TRIM64C: variants seen among roughly 807,000 people sequenced by gnomAD.
TRIM64C encodes tripartite motif containing 64C, also known as tripartite motif-containing protein 64C.
A neutral mutation model predicts 36.1 loss-of-function variants in TRIM64C; 25 were observed. That is an observed-to-expected ratio of 0.69 (90% CI 0.51 to 0.97). TRIM64C has a LOEUF of 0.97. Ranked by LOEUF, TRIM64C falls within the 50% of genes least tolerant of loss-of-function variation. The pLI is 0.00. For synonymous variants in TRIM64C, 212 were observed against 185.7 expected, an observed-to-expected ratio of 1.14 and a Z score of -1.15; for missense variants, 489 against 536.8, an observed-to-expected ratio of 0.91 and a Z score of 0.88.
intron 4 of TRIM64C, 57 bp from the exon 5 acceptor site, chr11:49,055,464 C>T: frequency 6.6e-7 from 1 of 1,520,642 alleles, no homozygotes; most frequent in Non-Finnish European, 8.8e-7. Flanking sequence ...ATCACACAGT[C>T]ATATGAAGAT....
chr11:49,054,569 T>C (rs1288755318), intron 5 of TRIM64C, among the ~76,000 whole-genome samples: 2 of 152,242 alleles, frequency 1.3e-5, no homozygotes, highest in Non-Finnish European at 1.5e-5. Context: ...CAATTTGCTG[T>C]GATGTGAGTA....
intron 1 of TRIM64C, 66 bp from the exon 2 acceptor site, chr11:49,058,238 A>T (rs1854837098): frequency 9.0e-7 from 1 of 1,115,232 alleles, no homozygotes; most frequent in Non-Finnish European, 1.3e-6. Flanking sequence ...TATCAATAAA[A>T]AAAAGGCCGT....
intron 5 of TRIM64C, among the ~76,000 whole-genome samples, chr11:49,054,490 A>C (rs2134718886): frequency 6.6e-6 from 1 of 152,278 alleles, no homozygotes; most frequent in Non-Finnish European, 1.5e-5. Context: ...CATATCTAAA[A>C]TGTTTTTTTT....
At chr11:49,054,664 C>A (rs546758550) in intron 5 of TRIM64C, among the ~76,000 whole-genome samples, 1 of 152,236 alleles carries the variant, frequency 6.6e-6, no homozygotes, top group African/African-American at 2.4e-5. Flanking sequence ...TTATAAGTTT[C>A]TGAAAAGAAT....
rs1252326822 is a variant in TRIM64C at position 49,058,861 on chromosome 11, G to A, written c.252C>T (p.Asn84=). The A allele has an allele frequency of 6.5e-7, 1 of 1,549,768 alleles. No individual in the cohort carries two copies. Among genetic ancestry groups the A allele is most frequent in the Non-Finnish European group, 8.7e-7 (1 of 1,146,920 alleles). Residue 84 remains asparagine (N), a synonymous_variant, in exon 1 of 6, where the codon AAC becomes AAT. Coordinates refer to ENST00000617704, the MANE Select transcript of TRIM64C (RefSeq NM_001206631.1). ...ASLARQTRPQ[N]INSSDNICVL... Reference sequence around the variant, plus strand: ...CACAGATATTGTCTGAGCTGTTGATGTTCTGAGGTCTGGTCTGTCTGGCTA... The same window carrying A: ...CACAGATATTGTCTGAGCTGTTGATATTCTGAGGTCTGGTCTGTCTGGCTA...
chr11:49,055,650 C>G (rs1460225633), intron 4 of TRIM64C, among the ~76,000 whole-genome samples: 2 of 152,128 alleles, frequency 1.3e-5, no homozygotes, highest in Non-Finnish European at 2.9e-5. Flanking sequence ...CTTCTGAAGT[C>G]ATTAAAAGTC....
In TRIM64C at chr11:49,058,074, T is replaced by C. The variant is rs1399086975; in HGVS notation, c.507+4A>G. On this transcript the variant is annotated splice_donor_region_variant and intron_variant, in intron 2 of 5. Coordinates refer to ENST00000617704, the MANE Select transcript of TRIM64C (RefSeq NM_001206631.1). The stretch of plus-strand genomic sequence containing the variant: ...AAAACAAAGGAAACATTTTCATTCT[T>C]AACCACTAATGAACAAAATTTGCTA... 1 of 1,511,322 alleles carries C rather than the reference T, an allele frequency of 6.6e-7. No individual in the cohort carries two copies. The highest frequency in any genetic ancestry group is 8.8e-7 in the Non-Finnish European group (1 of 1,131,794). 93.6% of individuals were successfully genotyped at this position (1,511,322 alleles called of 1,614,324 possible).
chr11:49,055,979 G>A lies in TRIM64C; in HGVS notation c.761+380C>T, dbSNP rs184010105. On this transcript the variant is annotated intron_variant, in intron 4 of 5. Transcript: ENST00000617704. ...GATGCTTTTAGGAACAAAACATCCCGCCTCAGCCCATCCTTAGGGAATATC... is the reference window on the plus strand; with the variant it reads ...GATGCTTTTAGGAACAAAACATCCCACCTCAGCCCATCCTTAGGGAATATC... Among the ~76,000 whole-genome samples the A allele has an allele frequency of 7.9e-5, 12 of 151,394 alleles. No homozygotes were observed. The East Asian group carries it at 2.1e-3, about 27-fold the overall frequency.
At chr11:49,058,035 T>G (rs1854833665) in intron 2 of TRIM64C, 43 bp downstream of exon 2, 1 of 1,349,436 alleles carries the variant, frequency 7.4e-7, no homozygotes, top group East Asian at 2.5e-5. Flanking sequence ...GCCAACTTTG[T>G]GTTTATTTGC....
intron 1 of TRIM64C, 147 bp downstream of exon 1, chr11:49,058,554 A>C: frequency 6.9e-7 from 1 of 1,444,474 alleles, no homozygotes; most frequent in Non-Finnish European, 9.1e-7. Flanking sequence ...ATTAGTCAGC[A>C]ACATTGAAAG....
At chr11:49,057,892 T>C (rs1481913846) in intron 2 of TRIM64C, 186 bp downstream of exon 2, 2 of 542,966 alleles carry the variant, frequency 3.7e-6, no homozygotes, top group Non-Finnish European at 6.6e-6. Context: ...TCCAATATAC[T>C]AGAATTAATT....
intron 2 of TRIM64C, chr11:49,057,628 G>A (rs1328712539): frequency 1.8e-6 from 1 of 541,902 alleles, no homozygotes; most frequent in African/African-American, 1.9e-5. Flanking sequence ...TTCTTACTGA[G>A]TCAATTATTT....
chr11:49,058,941 T>A lies in TRIM64C; in HGVS notation c.172A>T (p.Ile58Phe). 1 of 1,551,310 alleles carries A rather than the reference T, an allele frequency of 6.4e-7. No homozygotes were observed. ...GTGTTGAAGTTGGGCTTCTCTGAGA[T>A]TTTTCTGCACAAAGGGCAGCGCATT... ...APMRCPLCRK[I>F]SEKPNFNTNV... is the part of the protein sequence containing the mutation. Residue 58 changes from isoleucine (I) to phenylalanine (F), a missense_variant, in exon 1 of 6, where the codon ATC (isoleucine) becomes TTC (phenylalanine). Transcript: ENST00000617704.
intron 4 of TRIM64C, 88 bp from the exon 5 acceptor site, chr11:49,055,495 G>A (rs1006230756): frequency 2.7e-6 from 4 of 1,491,370 alleles, no homozygotes; most frequent in Admixed American, 2.0e-5. Flanking sequence ...CATATAAGAT[G>A]TTTCCTCAGA....
chr11:49,053,730 C>A lies in TRIM64C; in HGVS notation c.1337G>T (p.Cys446Phe). The A allele has an allele frequency of 1.3e-6, 2 of 1,549,646 alleles. No homozygotes were observed. The highest frequency in any genetic ancestry group is 1.7e-6 in the Non-Finnish European group (2 of 1,146,764). ...ACCAACTTTTCATGTACAACCAAAGCAAAAGAAAGGCCTCAGAGGGGAAGA... is the reference window on the plus strand; with the variant it reads ...ACCAACTTTTCATGTACAACCAAAGAAAAAGAAAGGCCTCAGAGGGGAAGA... ...SFSSPLRPFF[C>F]FGCT The change falls in exon 6 of 6, where the codon TGC becomes TTC. Residue 446 changes from cysteine (C) to phenylalanine (F), a missense_variant. By Grantham distance (205) the Cys-to-Phe change is radical (BLOSUM62 -2). Transcript: ENST00000617704.
chr11:49,057,588 G>A (rs912213192), intron 2 of TRIM64C, among the ~76,000 whole-genome samples: 2 of 151,592 alleles, frequency 1.3e-5, no homozygotes, highest in Non-Finnish European at 2.9e-5. Flanking sequence ...AAAGACTCCT[G>A]GTTTCCGTCA....
chr11:49,058,347 A>G (rs1409936778), intron 1 of TRIM64C, among the ~76,000 whole-genome samples, 175 bp from the exon 2 acceptor site: 2 of 151,892 alleles, frequency 1.3e-5, no homozygotes, highest in East Asian at 1.9e-4. Flanking sequence ...AGTGATAGAA[A>G]CATAATAGAG....
At chr11:49,057,530 CTT>C (rs541525528) in intron 2 of TRIM64C, among the ~76,000 whole-genome samples, 152 bp from the exon 3 acceptor site, 136 of 151,880 alleles carry the variant, frequency 9.0e-4, no homozygotes, top group Admixed American at 6.4e-3. Context: ...TTCTGTCCAT[CTT>C]TTTCAATGTT....
chr11:49,054,857 T>G (rs1359839060), intron 5 of TRIM64C, among the ~76,000 whole-genome samples: 1 of 152,212 alleles, frequency 6.6e-6, no homozygotes, highest in Non-Finnish European at 1.5e-5. Flanking sequence ...TTATGGATAT[T>G]TTAGTCATTT....
Sources: gnomAD v4.1 joint callset for allele counts (sites outside exome capture counted in the v4.1 genomes callset) on GRCh38, gnomAD v4.1.1 for gene constraint, MANE v1.5 for transcripts, NCBI Gene and HGNC (gene_info 2026-07-23, HGNC 2026-07-21) for gene names.